The following UBR4 variants were observed in gnomAD, a reference collection of about 807,000 sequenced individuals.
UBR4 encodes ubiquitin protein ligase E3 component n-recognin 4.
In UBR4, 124 loss-of-function variants were observed where a neutral mutation model predicts 575.6. The ratio of observed to expected loss-of-function variants is 0.22; its 90% CI spans 0.19 to 0.25. UBR4 has a LOEUF of 0.25. UBR4 is among the 10% of genes least tolerant of loss of function. The pLI is 1.00. For missense variants in UBR4, 4,818 were observed against 6,478.8 expected (o/e 0.74, Z 8.80); for synonymous variants, 2,455 against 2,473.7 (o/e 0.99, Z 0.22).
intron 78 of UBR4, among the ~76,000 whole-genome samples, chr1:19,111,146 G>A (rs1231277931): frequency 2.6e-5 from 4 of 152,170 alleles, no homozygotes; most frequent in African/African-American, 4.8e-5. Context: ...AAACCTAGAC[G>A]TCCACTCTCA....
Position 19,183,899 on chromosome 1 carries a change from T to C in UBR4, c.2099-3A>G. Reference sequence around the variant, plus strand: ...AGCAAACTCTTCATCTGATGAACCTTAAAGACAAGTAGAAAAGCCAATTAT... The same window carrying C: ...AGCAAACTCTTCATCTGATGAACCTCAAAGACAAGTAGAAAAGCCAATTAT... On this transcript the variant is annotated splice_region_variant and splice_polypyrimidine_tract_variant and intron_variant, in intron 16 of 105. Transcript: ENST00000375254. 1 of 1,614,006 alleles carries C rather than the reference T, an allele frequency of 6.2e-7. No homozygotes were observed. The highest frequency in any genetic ancestry group is 8.5e-7 in the Non-Finnish European group (1 of 1,179,990).
At position 19,157,623 on chromosome 1, in the gene UBR4, C is replaced by T; in HGVS notation, c.5760+192G>A. Among the ~76,000 whole-genome samples the T allele has an allele frequency of 6.6e-6, 1 of 152,228 alleles. No homozygotes were observed. Among genetic ancestry groups the T allele is most frequent in the African/African-American group, 2.4e-5 (1 of 41,460 alleles). On this transcript the variant is annotated intron_variant, in intron 40 of 105. Coordinates refer to ENST00000375254, the MANE Select transcript of UBR4 (RefSeq NM_020765.3). The surrounding 1 kb of genome is among the most constrained non-coding windows in gnomAD (Gnocchi z 4.4). The stretch of plus-strand genomic sequence containing the variant: ...TTAGGAACAGTCCTAGTCATACCAG[C>T]TCTAGGTCTAATCAAATCAATTCAG...
intron 94 of UBR4, 121 bp downstream of exon 94, chr1:19,094,785 A>G (rs1191014332): frequency 7.3e-7 from 1 of 1,370,374 alleles, no homozygotes; most frequent in Non-Finnish European, 9.9e-7. Context: ...TAACATTCCA[A>G]TGCTTAAGCA....
intron 84 of UBR4, 133 bp downstream of exon 84, chr1:19,105,600 A>T (rs913367670): frequency 2.6e-5 from 18 of 695,500 alleles, no homozygotes. Context: ...CAGCTTTTTA[A>T]CACTTTGTTG....
chr1:19,144,061 C>A lies in UBR4; in HGVS notation c.8098G>T (p.Ala2700Ser). Residue 2700 changes from alanine to serine, a missense_variant, in exon 55 of 106, where the codon GCT becomes TCT. Physicochemically the swap from Ala to Ser is moderately conservative, Grantham distance 99. Around this residue, in one of 29 missense-constraint regions of UBR4, gnomAD observed 340 missense variants for 375.4 expected, o/e 0.91. Coordinates refer to ENST00000375254, the MANE Select transcript of UBR4 (RefSeq NM_020765.3). ...CTGGGCCTTAGGACTCGAATTAGAG[C>A]TTGTTTACAAGAGAAGCTCACAGCA... ...DPAVSFSCKQ[A>S]LIRVLRPRNK... 1 of 1,613,958 alleles carries A rather than the reference C, an allele frequency of 6.2e-7. No individual in the cohort carries two copies. Among genetic ancestry groups the A allele is most frequent in the Non-Finnish European group, 8.5e-7 (1 of 1,179,888 alleles).
chr1:19,098,354 T>C (rs539372385), intron 90 of UBR4, among the ~76,000 whole-genome samples: 2 of 152,168 alleles, frequency 1.3e-5, no homozygotes, highest in Non-Finnish European at 2.9e-5. Flanking sequence ...ACATAGGCTA[T>C]CACAAACTCA....
At position 19,110,458 on chromosome 1, in the gene UBR4, T is replaced by C. The variant is rs1233163593; in HGVS notation, c.11899A>G (p.Ser3967Gly). 6.2e-7 allele frequency: 1 copy of C among 1,613,988 alleles called. No individual in the cohort carries two copies. The highest frequency in any genetic ancestry group is 8.5e-7 in the Non-Finnish European group (1 of 1,180,010). The change falls in exon 80 of 106, where the codon AGC becomes GGC. Residue 3967 changes from serine to glycine, a missense_variant. By Grantham distance (56) the Ser-to-Gly change is moderately conservative (BLOSUM62 0). Around this residue, in one of 29 missense-constraint regions of UBR4, gnomAD observed 333 missense variants for 459.2 expected, o/e 0.73. Coordinates refer to ENST00000375254, the MANE Select transcript of UBR4 (RefSeq NM_020765.3). This position sits in a 1 kb window ranked among gnomAD's most constrained non-coding sequence, Gnocchi z 4.5. ...GHWANPDLAS[S>G]LQYEMLLLTD... ...AGCAGCAGCATTTCATACTGCAGGC[T>C]ACTTGCCTAGAAGGCAATGGGAAGA...
chr1:19,159,633 CA>C (rs1216652703), intron 39 of UBR4, among the ~76,000 whole-genome samples: 4 of 148,962 alleles, frequency 2.7e-5, no homozygotes, highest in Admixed American at 2.7e-4. Flanking sequence ...GAGAGAGTCT[CA>C]CTCCGTCGCC....
chr1:19,147,141 C>G (rs2084983650), intron 51 of UBR4, 141 bp from the exon 52 acceptor site: 15 of 806,792 alleles, frequency 1.9e-5, no homozygotes, highest in East Asian at 2.9e-5. Context: ...TCACCTACAA[C>G]AGATCTTCAA....
chr1:19,106,506 C>T (rs2079215081), intron 83 of UBR4, 63 bp downstream of exon 83: 2 of 1,489,378 alleles, frequency 1.3e-6, no homozygotes, highest in South Asian at 2.8e-5. Flanking sequence ...GGGGCAGAAA[C>T]ATATTGCTCA....
In UBR4 at chr1:19,137,987, G is replaced by A; in HGVS notation, c.8906+20C>T. The A allele has an allele frequency of 6.8e-7, 1 of 1,473,184 alleles. No homozygotes were observed. The highest frequency in any genetic ancestry group is 9.1e-7 in the Non-Finnish European group (1 of 1,102,266). The allele number at this position is 1,473,184 out of a possible 1,614,324, so 91.3% of individuals were successfully genotyped here. On this transcript the variant is annotated intron_variant, in intron 60 of 105. Transcript: ENST00000375254. The stretch of plus-strand genomic sequence containing the variant: ...TCTCAGATAGGCAAGCCTCTTAACT[G>A]TGAAGGACTAGGTCTTGACCTGTTG...
chr1:19,144,287 C>T (rs768403868), intron 54 of UBR4, among the ~76,000 whole-genome samples, 196 bp from the exon 55 acceptor site: 1 of 152,214 alleles, frequency 6.6e-6, no homozygotes, highest in African/African-American at 2.4e-5. Flanking sequence ...AAGAGCCATT[C>T]GCTAACCTCC....
rs560029778 is a variant in UBR4 at position 19,161,136 on chromosome 1, C to T, written c.5187G>A (p.Lys1729=). 1.9e-6 allele frequency: 3 copies of T among 1,613,988 alleles called. No individual in the cohort carries two copies. The highest frequency in any genetic ancestry group is 2.2e-5 in the South Asian group (2 of 91,030). ...AGCTCATGCCACTGCTAGGAGTTCT[C>T]TTCACCAGAGCCTAGGGACAGAAAA... is the stretch of plus-strand genomic sequence containing the variant. ...KEDGSCLALV[K]RTPSSGMSST... Residue 1729 remains lysine (K), a synonymous_variant, in exon 38 of 106, where the codon AAG becomes AAA. Transcript: ENST00000375254.
At chr1:19,090,117 T>C (rs1037720269) in intron 97 of UBR4, among the ~76,000 whole-genome samples, 1 of 152,226 alleles carries the variant, frequency 6.6e-6, no homozygotes, top group Non-Finnish European at 1.5e-5. Flanking sequence ...GGCACCACCA[T>C]TCACCTCATC....
At chr1:19,197,537 G>A (rs1296302837) in intron 7 of UBR4, 133 bp downstream of exon 7, 4 of 1,313,008 alleles carry the variant, frequency 3.0e-6, no homozygotes, top group Non-Finnish European at 2.1e-6. Context: ...GCTGAGGTGG[G>A]AGAACTGCTT....
intron 101 of UBR4, among the ~76,000 whole-genome samples, chr1:19,085,626 G>A (rs553040758): frequency 6.6e-6 from 1 of 152,268 alleles, no homozygotes; most frequent in South Asian, 2.1e-4. Context: ...TTTGAAATAG[G>A]ACTTGGGGTG....
intron 17 of UBR4, among the ~76,000 whole-genome samples, chr1:19,183,429 T>C (rs1031803454): frequency 7.9e-5 from 12 of 152,160 alleles, no homozygotes; most frequent in East Asian, 1.9e-4. Flanking sequence ...TCCTTAACAA[T>C]TGGAGCTACA....
At chr1:19,161,269 C>T (rs1452084809) in intron 37 of UBR4, 122 bp from the exon 38 acceptor site, 1 of 938,902 alleles carries the variant, frequency 1.1e-6, no homozygotes, top group African/African-American at 1.7e-5. Context: ...CAATGTTATC[C>T]AAAAGCCTAA....
intron 27 of UBR4, 90 bp from the exon 28 acceptor site, chr1:19,168,274 C>A (rs1238514484): frequency 3.1e-6 from 4 of 1,305,676 alleles, no homozygotes; most frequent in South Asian, 1.7e-5. Flanking sequence ...TAAACTAAGA[C>A]CCCACTGACG....
Sources: gnomAD v4.1 joint callset for allele counts (sites outside exome capture counted in the v4.1 genomes callset) on GRCh38, gnomAD v4.1.1 for gene constraint, gnomAD v4.1.1 regional missense constraint, Gnocchi (gnomAD v3.1) non-coding constraint, MANE v1.5 for transcripts, NCBI Gene and HGNC (gene_info 2026-07-23, HGNC 2026-07-21) for gene names.